PBX2: variants seen among roughly 807,000 people sequenced by gnomAD.
The protein encoded by PBX2 is PBX homeobox 2, also known as pre-B-cell leukemia transcription factor 2.
Under a neutral mutation model 46.5 loss-of-function variants are expected in PBX2, and 10 were observed. The observed-to-expected ratio is 0.21, with a 90% CI of 0.13 to 0.36. The LOEUF (loss-of-function observed/expected upper bound fraction) is 0.36, where lower values mean the gene tolerates loss of function less well. PBX2 is among the 10% of genes least tolerant of loss of function. The pLI is 1.00. For synonymous variants in PBX2, 160 were observed against 222.5 expected (o/e 0.72, Z 2.50); for missense variants, 392 against 580.5 (o/e 0.68, Z 3.34).
In PBX2 at chr6:32,188,083, T is replaced by C. The variant is rs1373330614; in HGVS notation, c.617A>G (p.Lys206Arg). The C allele has an allele frequency of 2.5e-6, 4 of 1,597,586 alleles. No homozygotes were observed. The African/African-American group carries it at 4.0e-5, about 16-fold the overall frequency. The part of the protein sequence containing the change: ...EQSRTRPVAP[K>R]EMERMVSIIH... ...GATGCTCACCATGCGTTCCATCTCT[T>C]TGGGGGCCACGGGCCTGGTGCGGCT... Residue 206 changes from lysine (K) to arginine (R), a missense_variant, in exon 4 of 9, where the codon AAA becomes AGA. By Grantham distance (26) the Lys-to-Arg change is conservative. Around this residue, in one of 3 missense-constraint regions of PBX2, gnomAD observed 80 missense variants for 175.7 expected, o/e 0.46. Coordinates refer to ENST00000375050, the MANE Select transcript of PBX2 (RefSeq NM_002586.5). The surrounding 1 kb of genome is among the most constrained non-coding windows in gnomAD (Gnocchi z 6.5).
rs1239874793 is a variant in PBX2, at chr6:32,187,981, C to T, written c.719G>A (p.Arg240His). 4 of 1,556,108 alleles carry T rather than the reference C, an allele frequency of 2.6e-6. No individual in the cohort carries two copies. Among genetic ancestry groups the T allele is most frequent in the South Asian group, 1.2e-5 (1 of 83,110 alleles). Residue 240 changes from arginine (R) to histidine (H), a missense_variant, in exon 4 of 9, where the codon CGT becomes CAT. Coordinates refer to ENST00000375050, the MANE Select transcript of PBX2 (RefSeq NM_002586.5). The surrounding 1 kb of genome is among the most constrained non-coding windows in gnomAD (Gnocchi z 7.7). ...CTGGGCCCACCTGGCATCCAGGAAA[C>T]GGGAGCGCAGGATCATCACAGCCTC... ...TCEAVMILRSRFLDARRKRRN... is the reference protein window; with the variant it reads ...TCEAVMILRSHFLDARRKRRN...
In PBX2 at chr6:32,186,502, CAG is replaced by C. The variant is rs748683822; in HGVS notation, c.1201-30_1201-29del. 3.7e-6 allele frequency: 6 copies of C among 1,606,956 alleles called. No homozygotes were observed. In the East Asian group the frequency reaches 1.3e-4, roughly 36 times the overall value. On this transcript the variant is annotated intron_variant, in intron 8 of 8. Coordinates refer to ENST00000375050, the MANE Select transcript of PBX2 (RefSeq NM_002586.5). This position sits in a 1 kb window ranked among gnomAD's most constrained non-coding sequence, Gnocchi z 4.2. ...GAAAGGAGAGACAGAGTACAGAAAA[CAG>C]AGAAAGCCCTGGGAACCCTGTGTGG...
rs1787278944 is a variant in PBX2 at position 32,189,065 on chromosome 6, G to A, written c.222-269C>T. 1 of 531,530 alleles carries A rather than the reference G, an allele frequency of 1.9e-6. No homozygotes were observed. The highest frequency in any genetic ancestry group is 3.4e-6 in the Non-Finnish European group (1 of 295,784). The allele number at this position is 531,530 out of a possible 1,614,324, so 32.9% of individuals were successfully genotyped here. A position where few individuals can be genotyped will look rare whatever the true frequency, so the allele number is the denominator to read the frequency against. On this transcript the variant is annotated intron_variant, in intron 1 of 8. Coordinates refer to ENST00000375050, the MANE Select transcript of PBX2 (RefSeq NM_002586.5). The surrounding 1 kb of genome is among the most constrained non-coding windows in gnomAD (Gnocchi z 4.7). ...TGGGAGATGGTCTAGAAAGGTAGGA[G>A]GAGGAATCTGGGAGTGGATGGAGAA... is the stretch of plus-strand genomic sequence containing the variant.
chr6:32,187,930 C>A lies in PBX2; in HGVS notation c.734+36G>T. 3 of 1,521,836 alleles carry A rather than the reference C, an allele frequency of 2.0e-6. No homozygotes were observed. The highest frequency in any genetic ancestry group is 2.7e-6 in the Non-Finnish European group (3 of 1,130,232). 94.3% of individuals were successfully genotyped at this position (1,521,836 alleles called of 1,614,324 possible). ...TCTTGGAGAGGAATGGGAAGGAGCC[C>A]AGTGCTGGGGGCCAGCCTGGGGTCC... On this transcript the variant is annotated intron_variant, in intron 4 of 8. Coordinates refer to ENST00000375050, the MANE Select transcript of PBX2 (RefSeq NM_002586.5). This position sits in a 1 kb window ranked among gnomAD's most constrained non-coding sequence, Gnocchi z 7.7.
At position 32,187,211 on chromosome 6, in the gene PBX2, A is replaced by C. The variant is rs1422132932; in HGVS notation, c.1024+31T>G. ...GGGAACAAAAGCAGGAAGTGTGCAA[A>C]ACAGTCAGCCGGGGTGACAGTGGGA... On this transcript the variant is annotated intron_variant, in intron 6 of 8. Transcript: ENST00000375050. This position sits in a 1 kb window ranked among gnomAD's most constrained non-coding sequence, Gnocchi z 7.7. 3.1e-6 allele frequency: 5 copies of C among 1,608,352 alleles called. No individual in the cohort carries two copies. Among genetic ancestry groups the C allele is most frequent in the Non-Finnish European group, 4.2e-6 (5 of 1,177,948 alleles).
In PBX2 at chr6:32,187,057, G is replaced by A. The variant is rs918475879; in HGVS notation, c.1025-156C>T. On this transcript the variant is annotated intron_variant, in intron 6 of 8. Transcript: ENST00000375050. This position sits in a 1 kb window ranked among gnomAD's most constrained non-coding sequence, Gnocchi z 7.7. ...AGAGCAGGCTGTTCCTTGGCCACCCGTGGGAAGAAAGGCAGAACTAAGATC... is the reference window on the plus strand; with the variant it reads ...AGAGCAGGCTGTTCCTTGGCCACCCATGGGAAGAAAGGCAGAACTAAGATC... The A allele has an allele frequency of 1.1e-5, 11 of 1,028,780 alleles. No homozygotes were observed. Among genetic ancestry groups the A allele is most frequent in the African/African-American group, 6.4e-5 (4 of 62,248 alleles). The allele number at this position is 1,028,780 out of a possible 1,614,324, so 63.7% of individuals were successfully genotyped here. A position where few individuals can be genotyped will look rare whatever the true frequency, so the allele number is the denominator to read the frequency against.
chr6:32,187,855 G>C lies in PBX2; in HGVS notation c.735-73C>G. On this transcript the variant is annotated intron_variant, in intron 4 of 8. Coordinates refer to ENST00000375050, the MANE Select transcript of PBX2 (RefSeq NM_002586.5). This position sits in a 1 kb window ranked among gnomAD's most constrained non-coding sequence, Gnocchi z 7.7. ...AGGGCTGTCACATGGCATGACCCCA[G>C]AGTCACCATTGTCATGGAGTACCAT... 2 of 1,580,138 alleles carry C rather than the reference G, an allele frequency of 1.3e-6. No individual in the cohort carries two copies. Among genetic ancestry groups the C allele is most frequent in the Non-Finnish European group, 1.7e-6 (2 of 1,161,448 alleles).
In PBX2 at chr6:32,188,166, G is replaced by A; in HGVS notation, c.544-10C>T. ...TGAACTCATTACATGCCTGTAGTGG[G>A]GGCCAGTGGGCTGGTGAGGAGGAGC... On this transcript the variant is annotated splice_polypyrimidine_tract_variant and intron_variant, in intron 3 of 8. Coordinates refer to ENST00000375050, the MANE Select transcript of PBX2 (RefSeq NM_002586.5). The surrounding 1 kb of genome is among the most constrained non-coding windows in gnomAD (Gnocchi z 6.5). 1 of 1,596,684 alleles carries A rather than the reference G, an allele frequency of 6.3e-7. No individual in the cohort carries two copies. The highest frequency in any genetic ancestry group is 2.2e-5 in the East Asian group (1 of 44,636).
rs199945790 is a variant in PBX2 at position 32,186,907 on chromosome 6, G to C, written c.1025-6C>G. The C allele has an allele frequency of 7.3e-5, 118 of 1,612,882 alleles. No homozygotes were observed. In the East Asian group the frequency reaches 2.4e-3, roughly 33 times the overall value. ...ATTGAAAGAGCCGCCAGAGCCTTGT[G>C]GGGGCAGAGAGGGAAGAGTGTAATA... On this transcript the variant is annotated splice_region_variant and splice_polypyrimidine_tract_variant and intron_variant, in intron 6 of 8. Coordinates refer to ENST00000375050, the MANE Select transcript of PBX2 (RefSeq NM_002586.5). The surrounding 1 kb of genome is among the most constrained non-coding windows in gnomAD (Gnocchi z 4.2).
Position 32,187,039 on chromosome 6 carries a change from G to T in PBX2, c.1025-138C>A. 9.7e-7 allele frequency: 1 copy of T among 1,034,304 alleles called. No individual in the cohort carries two copies. Among genetic ancestry groups the T allele is most frequent in the Non-Finnish European group, 1.4e-6 (1 of 699,670 alleles). The allele number at this position is 1,034,304 out of a possible 1,614,324, so 64.1% of individuals were successfully genotyped here. A position where few individuals can be genotyped will look rare whatever the true frequency, so the allele number is the denominator to read the frequency against. Reference sequence around the variant, plus strand: ...ACATTCCAACACACAGAAAGAGCAGGCTGTTCCTTGGCCACCCGTGGGAAG... The same window carrying T: ...ACATTCCAACACACAGAAAGAGCAGTCTGTTCCTTGGCCACCCGTGGGAAG... On this transcript the variant is annotated intron_variant, in intron 6 of 8. Transcript: ENST00000375050. This position sits in a 1 kb window ranked among gnomAD's most constrained non-coding sequence, Gnocchi z 7.7.
rs199649514 is a variant in PBX2, at chr6:32,188,706, G to T, written c.295+17C>A. 1 of 1,590,482 alleles carries T rather than the reference G, an allele frequency of 6.3e-7. No homozygotes were observed. The highest frequency in any genetic ancestry group is 1.1e-5 in the South Asian group (1 of 90,592). ...TTCTGTTCCCAGAGTTGAGCAATCCGGGGGGGGCCCACATACCAGTTTTCT... is the reference window on the plus strand; with the variant it reads ...TTCTGTTCCCAGAGTTGAGCAATCCTGGGGGGGCCCACATACCAGTTTTCT... On this transcript the variant is annotated intron_variant, in intron 2 of 8. Coordinates refer to ENST00000375050, the MANE Select transcript of PBX2 (RefSeq NM_002586.5). This position sits in a 1 kb window ranked among gnomAD's most constrained non-coding sequence, Gnocchi z 6.5.
In PBX2 at chr6:32,188,716, C is replaced by T. The variant is rs1219103774; in HGVS notation, c.295+7G>A. Reference sequence around the variant, plus strand: ...AGAGTTGAGCAATCCGGGGGGGGCCCACATACCAGTTTTCTCCTTGATTTC... The same window carrying T: ...AGAGTTGAGCAATCCGGGGGGGGCCTACATACCAGTTTTCTCCTTGATTTC... On this transcript the variant is annotated splice_region_variant and intron_variant, in intron 2 of 8. Coordinates refer to ENST00000375050, the MANE Select transcript of PBX2 (RefSeq NM_002586.5). This position sits in a 1 kb window ranked among gnomAD's most constrained non-coding sequence, Gnocchi z 6.5. The T allele has an allele frequency of 6.2e-7, 1 of 1,612,726 alleles. No homozygotes were observed. Among genetic ancestry groups the T allele is most frequent in the Non-Finnish European group, 8.5e-7 (1 of 1,179,802 alleles).
Position 32,186,332 on chromosome 6 carries a change from T to C in PBX2, c.*50A>G. On this transcript the variant is annotated 3_prime_UTR_variant, in exon 9 of 9. Transcript: ENST00000375050. The surrounding 1 kb of genome is among the most constrained non-coding windows in gnomAD (Gnocchi z 4.2). ...TTGTCCTCTGGAAGCCTGCGTCCTC[T>C]TCAAGTCGCCTTGTGAGAGCCCCCA... 1 of 1,394,342 alleles carries C rather than the reference T, an allele frequency of 7.2e-7. No homozygotes were observed. 86.4% of individuals were successfully genotyped at this position (1,394,342 alleles called of 1,614,324 possible). A position where few individuals can be genotyped will look rare whatever the true frequency, so the allele number is the denominator to read the frequency against.
chr6:32,189,675 C>G lies in PBX2; in HGVS notation c.221+20G>C, dbSNP rs1787316395. 3 of 1,583,670 alleles carry G rather than the reference C, an allele frequency of 1.9e-6. No individual in the cohort carries two copies. Among genetic ancestry groups the G allele is most frequent in the East Asian group, 2.3e-5 (1 of 43,526 alleles). On this transcript the variant is annotated intron_variant, in intron 1 of 8. Transcript: ENST00000375050. This position sits in a 1 kb window ranked among gnomAD's most constrained non-coding sequence, Gnocchi z 4.7. ...GGGGTTTGCTGGGTCTGTGTGGGGT[C>G]CCGGAGTGGGGGCACTCACTTGGCC...
Position 32,187,595 on chromosome 6 carries a change from GCTGA to G in PBX2, c.870+48_870+51del. On this transcript the variant is annotated intron_variant, in intron 5 of 8. Transcript: ENST00000375050. This position sits in a 1 kb window ranked among gnomAD's most constrained non-coding sequence, Gnocchi z 7.7. ...TTACAGGAACACACCACTGCACCTAGCTGAGATGCGTGCACTTTGCCTGACAACT... is the reference window on the plus strand; with the variant it reads ...TTACAGGAACACACCACTGCACCTAGGATGCGTGCACTTTGCCTGACAACT... The G allele has an allele frequency of 1.9e-6, 3 of 1,557,308 alleles. No individual in the cohort carries two copies. In the South Asian group the frequency reaches 3.5e-5, roughly 18 times the overall value.
Position 32,188,880 on chromosome 6 carries a change from G to C in PBX2, c.222-84C>G. 3 of 1,220,488 alleles carry C rather than the reference G, an allele frequency of 2.5e-6. No individual in the cohort carries two copies. In the South Asian group the frequency reaches 3.6e-5, roughly 15 times the overall value. 75.6% of individuals were successfully genotyped at this position (1,220,488 alleles called of 1,614,324 possible). ...GGGGCCTGAGAACAAGGAGGGAGGAGGGTCAGTCTGCGGAGGGAGGAAGCG... is the reference window on the plus strand; with the variant it reads ...GGGGCCTGAGAACAAGGAGGGAGGACGGTCAGTCTGCGGAGGGAGGAAGCG... On this transcript the variant is annotated intron_variant, in intron 1 of 8. Coordinates refer to ENST00000375050, the MANE Select transcript of PBX2 (RefSeq NM_002586.5). The surrounding 1 kb of genome is among the most constrained non-coding windows in gnomAD (Gnocchi z 6.5).
rs368089417 is a variant in PBX2, at chr6:32,186,562, C to T, written c.1200+42G>A. The stretch of plus-strand genomic sequence containing the variant: ...ATTACTAGGGAAAATGCCCCTCTGT[C>T]CTGTGAGAACTGGACAGAGAGGAGC... On this transcript the variant is annotated intron_variant, in intron 8 of 8. Transcript: ENST00000375050. The surrounding 1 kb of genome is among the most constrained non-coding windows in gnomAD (Gnocchi z 4.2). 3.2e-6 allele frequency: 5 copies of T among 1,575,364 alleles called. No individual in the cohort carries two copies. In the African/African-American group the frequency reaches 6.7e-5, roughly 21 times the overall value.
chr6:32,188,864 G>T lies in PBX2; in HGVS notation c.222-68C>A. The T allele has an allele frequency of 1.4e-6, 2 of 1,383,666 alleles. No homozygotes were observed. Among genetic ancestry groups the T allele is most frequent in the Non-Finnish European group, 2.1e-6 (2 of 971,868 alleles). The allele number at this position is 1,383,666 out of a possible 1,614,324, so 85.7% of individuals were successfully genotyped here. On this transcript the variant is annotated intron_variant, in intron 1 of 8. Coordinates refer to ENST00000375050, the MANE Select transcript of PBX2 (RefSeq NM_002586.5). This position sits in a 1 kb window ranked among gnomAD's most constrained non-coding sequence, Gnocchi z 6.5. ...TAGAGAAACAGAGCAGGGGGCCTGA[G>T]AACAAGGAGGGAGGAGGGTCAGTCT...
At position 32,189,710 on chromosome 6, in the gene PBX2, T is replaced by G. The variant is rs1336967090; in HGVS notation, c.206A>C (p.Asp69Ala). 1.2e-6 allele frequency: 2 copies of G among 1,608,972 alleles called. No homozygotes were observed. Among genetic ancestry groups the G allele is most frequent in the Non-Finnish European group, 1.7e-6 (2 of 1,177,578 alleles). ...GGGCACTCACTTGGCCTGGGCCTCGTCCAGGCTCTGGTCGGTGATGGTCAT... is the reference window on the plus strand; with the variant it reads ...GGGCACTCACTTGGCCTGGGCCTCGGCCAGGCTCTGGTCGGTGATGGTCAT... ...QIMTITDQSL[D>A]EAQAKKHALN... The change falls in exon 1 of 9, where the codon GAC (aspartate) becomes GCC (alanine). Residue 69 changes from aspartate (D) to alanine (A), a missense_variant. Around this residue, in one of 3 missense-constraint regions of PBX2, gnomAD observed 196 missense variants for 246.9 expected, o/e 0.79. Coordinates refer to ENST00000375050, the MANE Select transcript of PBX2 (RefSeq NM_002586.5). The surrounding 1 kb of genome is among the most constrained non-coding windows in gnomAD (Gnocchi z 4.7).
Sources: gnomAD v4.1 joint callset for allele counts on GRCh38, gnomAD v4.1.1 for gene constraint, gnomAD v4.1.1 regional missense constraint, Gnocchi (gnomAD v3.1) non-coding constraint, MANE v1.5 for transcripts, NCBI Gene and HGNC (gene_info 2026-07-23, HGNC 2026-07-21) for gene names.